The following RBM19 variants were observed in gnomAD, a reference collection of about 807,000 sequenced individuals.
The protein encoded by RBM19 is RNA binding motif protein 19.
In RBM19, 94 loss-of-function variants were observed where a neutral mutation model predicts 116.8. That is an observed-to-expected ratio of 0.80 (90% CI 0.68 to 0.95). The LOEUF (loss-of-function observed/expected upper bound fraction) is 0.95, where lower values mean the gene tolerates loss of function less well. RBM19 is among the 40% of genes least tolerant of loss of function. RBM19 has a pLI of 0.00. For missense variants in RBM19, 1,161 were observed against 1,220.7 expected (o/e 0.95, Z 0.73); for synonymous variants, 475 against 494.1 (o/e 0.96, Z 0.51).
intron 16 of RBM19, among the ~76,000 whole-genome samples, chr12:113,934,585 T>C (rs1212927528): frequency 6.6e-6 from 1 of 152,072 alleles, no homozygotes; most frequent in African/African-American, 2.4e-5. Flanking sequence ...GTGAATGGGG[T>C]CTCGGCATGT....
rs763700706 is a variant in RBM19, at chr12:113,942,401, G to A, written c.1660C>T (p.Leu554=). 6.8e-6 allele frequency: 11 copies of A among 1,609,198 alleles called. No homozygotes were observed. Among genetic ancestry groups the A allele is most frequent in the Non-Finnish European group, 9.3e-6 (11 of 1,179,900 alleles). ...TKGSVAVRVA[L]GETQLVQEVR... ...TCCTGGACGAGCTGGGTTTCCCCCA[G>A]AGCCACGCGCACGGCCACGCTGCCC... is the stretch of plus-strand genomic sequence containing the variant. Residue 554 remains leucine, a synonymous_variant, in exon 14 of 24, where the codon CTG becomes TTG. Coordinates refer to ENST00000261741, the MANE Select transcript of RBM19 (RefSeq NM_016196.4).
chr12:113,839,907 T>C (rs1242911351), intron 23 of RBM19, among the ~76,000 whole-genome samples: 1 of 152,154 alleles, frequency 6.6e-6, no homozygotes, highest in Non-Finnish European at 1.5e-5. Flanking sequence ...ATGCTCTTTT[T>C]CCTAAGCTGG....
chr12:113,934,279 C>T (rs1388284459), intron 16 of RBM19, among the ~76,000 whole-genome samples: 1 of 152,242 alleles, frequency 6.6e-6, no homozygotes, highest in African/African-American at 2.4e-5. Context: ...GTGCATGTGA[C>T]ATCCCACCAC....
At chr12:113,934,248 C>T (rs1869861197) in intron 16 of RBM19, among the ~76,000 whole-genome samples, 2 of 152,250 alleles carry the variant, frequency 1.3e-5, no homozygotes, top group Admixed American at 6.5e-5. Flanking sequence ...CAGTCACCAA[C>T]AGCAGCGGAA....
Position 113,905,679 on chromosome 12 carries a change from G to A in RBM19, c.2558+9290C>T, listed in dbSNP as rs193265758. On this transcript the variant is annotated intron_variant, in intron 21 of 23. Transcript: ENST00000261741. ...GGTGAAAGCAACCCACAGAATGGGA[G>A]ACACTGCAATCACACAGTCCAGAAT... Among the ~76,000 whole-genome samples the A allele has an allele frequency of 7.2e-5, 11 of 151,784 alleles. No homozygotes were observed. The East Asian group carries it at 1.7e-3, about 24-fold the overall frequency.
At chr12:113,833,922 T>C (rs986909094) in intron 23 of RBM19, among the ~76,000 whole-genome samples, 6 of 152,030 alleles carry the variant, frequency 3.9e-5, no homozygotes, top group African/African-American at 7.3e-5. Context: ...TTTTAAAGTT[T>C]TTTTTTAGAG....
chr12:113,829,936 C>T (rs1054101382), intron 23 of RBM19, among the ~76,000 whole-genome samples: 6 of 152,238 alleles, frequency 3.9e-5, no homozygotes, highest in African/African-American at 1.4e-4. Context: ...CCTCAGGCGC[C>T]TGCTGGCTCT....
rs1210821993 is a variant in RBM19 at position 113,865,956 on chromosome 12, G to A, written c.2559-7060C>T. 2.0e-5 allele frequency among the ~76,000 whole-genome samples: 3 copies of A among 152,268 alleles called. No homozygotes were observed. In the East Asian group the frequency reaches 5.8e-4, roughly 29 times the overall value. On this transcript the variant is annotated intron_variant, in intron 21 of 23. Coordinates refer to ENST00000261741, the MANE Select transcript of RBM19 (RefSeq NM_016196.4). The stretch of plus-strand genomic sequence containing the variant: ...CACTGGCTCCTTCACAGGCAACCCT[G>A]GCCAAGATGCAGACACAAATAAGGA...
intron 23 of RBM19, among the ~76,000 whole-genome samples, chr12:113,832,643 G>A (rs934691340): frequency 1.3e-5 from 2 of 152,174 alleles, no homozygotes; most frequent in African/African-American, 2.4e-5. Flanking sequence ...CACCTCTGGA[G>A]GAAGGGCTGC....
At position 113,835,353 on chromosome 12, in the gene RBM19, C is replaced by G. The variant is rs7313922; in HGVS notation, c.2785+9315G>C. Among the ~76,000 whole-genome samples the G allele has an allele frequency of 5.5e-3, 841 of 152,278 alleles. 8 individuals are homozygous for G. Among genetic ancestry groups the G allele is most frequent in the African/African-American group, 0.019 (799 of 41,540 alleles). ...GGGCCCAGGCAGGTTGGTCAAAGGG[C>G]CTTGTACCCCCGCAAAGGATAAAGT... On this transcript the variant is annotated intron_variant, in intron 23 of 23. Transcript: ENST00000261741.
At chr12:113,830,589 G>GGGGGGT (rs1565960614) in intron 23 of RBM19, among the ~76,000 whole-genome samples, 6 of 73,102 alleles carry the variant, frequency 8.2e-5, no homozygotes, top group Admixed American at 3.0e-4. Context: ...GGGGGGGGGG[G>GGGGGGT]TGGGCTATGC....
intron 23 of RBM19, among the ~76,000 whole-genome samples, chr12:113,836,176 CT>C (rs1176038372): frequency 6.6e-6 from 1 of 152,102 alleles, no homozygotes; most frequent in Non-Finnish European, 1.5e-5. Context: ...CACGGGGCTG[CT>C]GCGCTGGAGA....
intron 23 of RBM19, among the ~76,000 whole-genome samples, chr12:113,832,725 C>A (rs1307057748): frequency 6.6e-6 from 1 of 152,186 alleles, no homozygotes; most frequent in Non-Finnish European, 1.5e-5. Flanking sequence ...TTACAGAAAA[C>A]CTCTGTCTCC....
intron 23 of RBM19, among the ~76,000 whole-genome samples, chr12:113,834,233 T>G (rs1195386163): frequency 2.6e-5 from 4 of 152,208 alleles, no homozygotes; most frequent in Non-Finnish European, 5.9e-5. Context: ...CACGGCTTGC[T>G]AATAAGGTCA....
intron 21 of RBM19, among the ~76,000 whole-genome samples, chr12:113,872,431 T>A (rs1347874593): frequency 1.7e-5 from 2 of 117,628 alleles, no homozygotes. Context: ...CCGCCCCGTC[T>A]GGGAGGTGAG....
intron 22 of RBM19, among the ~76,000 whole-genome samples, chr12:113,846,534 T>G (rs1713558318): frequency 6.6e-6 from 1 of 152,064 alleles, no homozygotes; most frequent in African/African-American, 2.4e-5. Flanking sequence ...CAGAGACACA[T>G]GGCAAATGCC....
chr12:113,897,284 T>C (rs1001631796), intron 21 of RBM19, among the ~76,000 whole-genome samples: 1 of 152,248 alleles, frequency 6.6e-6, no homozygotes, highest in African/African-American at 2.4e-5. Context: ...TTCTCCTGCC[T>C]CAGCCTCCCA....
chr12:113,953,184 C>T (rs534636908), intron 7 of RBM19, among the ~76,000 whole-genome samples: 4 of 152,314 alleles, frequency 2.6e-5, no homozygotes, highest in African/African-American at 9.6e-5. Flanking sequence ...TGATCGGGCA[C>T]TTTCCAAAAG....
At chr12:113,924,633 C>T in intron 18 of RBM19, 64 bp downstream of exon 18, 1 of 1,410,012 alleles carries the variant, frequency 7.1e-7, no homozygotes, top group Non-Finnish European at 1.0e-6. Flanking sequence ...GAAGCTGGAG[C>T]TTCTTTTGGA....
Sources: gnomAD v4.1 joint callset for allele counts (sites outside exome capture counted in the v4.1 genomes callset) on GRCh38, gnomAD v4.1.1 for gene constraint, MANE v1.5 for transcripts, NCBI Gene and HGNC (gene_info 2026-07-23, HGNC 2026-07-21) for gene names.